Variants in TOP3B observed in about 807,000 individuals in gnomAD.
The protein encoded by TOP3B is DNA topoisomerase III beta, also known as DNA topoisomerase 3-beta-1.
TOP3B carries 45 observed loss-of-function variants against 93.9 expected under a neutral mutation model. That is an observed-to-expected ratio of 0.48 (90% CI 0.38 to 0.61). TOP3B has a LOEUF of 0.61. Ranked by LOEUF, TOP3B falls within the 20% of genes least tolerant of loss-of-function variation. TOP3B has a pLI of 0.00. For synonymous variants in TOP3B, 357 were observed against 472.6 expected (o/e 0.76, Z 3.17); for missense variants, 750 against 1,156.1 (o/e 0.65, Z 5.09).
In TOP3B at chr22:21,970,521, T is replaced by G. The variant is rs1433482491; in HGVS notation, c.385-115A>C. ...AAGAACACGTGTGCTCGGCTCCCTC[T>G]CCTGCCCCTGCCAGACCCTCCTCTA... On this transcript the variant is annotated intron_variant, in intron 5 of 17. Coordinates refer to ENST00000357179, the MANE Select transcript of TOP3B (RefSeq NM_001282112.2). This position sits in a 1 kb window ranked among gnomAD's most constrained non-coding sequence, Gnocchi z 4.4. 1.3e-5 allele frequency: 15 copies of G among 1,118,046 alleles called. No individual in the cohort carries two copies. Among genetic ancestry groups the G allele is most frequent in the Non-Finnish European group, 1.9e-5 (15 of 784,058 alleles). 69.3% of individuals were successfully genotyped at this position (1,118,046 alleles called of 1,614,324 possible). A position where few individuals can be genotyped will look rare whatever the true frequency, so the allele number is the denominator to read the frequency against.
chr22:21,975,427 A>ATTGTGCC, intron 2 of TOP3B: 1 of 490,958 alleles, frequency 2.0e-6, no homozygotes, highest in South Asian at 3.7e-5. Flanking sequence ...TTCATTGTAA[A>ATTGTGCC]TTGTGCCTTG....
In TOP3B at chr22:21,962,731, G is replaced by T. The variant is rs1327659537; in HGVS notation, c.1351+16C>A. 3.1e-6 allele frequency: 5 copies of T among 1,613,926 alleles called. No homozygotes were observed. Among genetic ancestry groups the T allele is most frequent in the Non-Finnish European group, 4.2e-6 (5 of 1,179,960 alleles). ...CATGAAGGCACAGAGGAGGAAGGCT[G>T]GGCCCGTGGTGTGACCTGGTGAGAG... On this transcript the variant is annotated intron_variant, in intron 12 of 17. Transcript: ENST00000357179.
rs773454859 is a variant in TOP3B at position 21,962,470 on chromosome 22, G to A, written c.1484C>T (p.Thr495Met). The change falls in exon 13 of 18, where the codon ACG (threonine) becomes ATG (methionine). Residue 495 changes from threonine (T) to methionine (M), a missense_variant. Transcript: ENST00000357179. ...CATGAGCGTGATGAGCTCGGCCTCCGTCAGGTAGTCGGGTGGGTTCGTCTG... is the reference window on the plus strand; with the variant it reads ...CATGAGCGTGATGAGCTCGGCCTCCATCAGGTAGTCGGGTGGGTTCGTCTG... ...EKQTNPPDYL[T>M]EAELITLMEK... The A allele has an allele frequency of 1.1e-5, 17 of 1,613,612 alleles. No individual in the cohort carries two copies. Among genetic ancestry groups the A allele is most frequent in the South Asian group, 5.5e-5 (5 of 91,086 alleles).
Position 21,964,270 on chromosome 22 carries a change from G to T in TOP3B, c.989C>A (p.Thr330Lys), listed in dbSNP as rs1439279941. ...CCGTGGGTAGCTGATGTAGCCTTGC[G>T]TGTAGAGCCGCTCAGCCGTCTGCAT... ...HAMQTAERLY[T>K]QGYISYPRTE... The change falls in exon 10 of 18, where the codon ACG (threonine) becomes AAG (lysine). Residue 330 changes from threonine to lysine, a missense_variant. Physicochemically the swap from Thr to Lys is moderately conservative, Grantham distance 78. Coordinates refer to ENST00000357179, the MANE Select transcript of TOP3B (RefSeq NM_001282112.2). 1 of 1,614,028 alleles carries T rather than the reference G, an allele frequency of 6.2e-7. No homozygotes were observed. Among genetic ancestry groups the T allele is most frequent in the East Asian group, 2.2e-5 (1 of 44,902 alleles).
Position 21,974,476 on chromosome 22 carries a change from G to A in TOP3B, c.83C>T (p.Ser28Leu), listed in dbSNP as rs772310124. The A allele has an allele frequency of 6.2e-6, 10 of 1,610,192 alleles. No homozygotes were observed. The highest frequency in any genetic ancestry group is 8.5e-6 in the Non-Finnish European group (10 of 1,177,918). Residue 28 changes from serine to leucine, a missense_variant, in exon 3 of 18, where the codon TCA becomes TTA. By Grantham distance (145) the Ser-to-Leu change is moderately radical. This residue lies in a region of TOP3B where 737 missense variants were observed against 933.7 expected (regional missense o/e 0.79). Transcript: ENST00000357179. ...AKILSRGSLS[S>L]HKGLNGACSV... is the part of the protein sequence containing the mutation. ...GCAGGCCCCGTTCAGCCCTTTGTGT[G>A]AGGACAGGCTCCCTGGGGATGAGGA...
intron 16 of TOP3B, 83 bp from the exon 17 acceptor site, chr22:21,958,776 G>A: frequency 3.4e-6 from 5 of 1,466,686 alleles, no homozygotes; most frequent in Non-Finnish European, 4.5e-6. Flanking sequence ...ATAATACAAA[G>A]TATGTAATCT....
chr22:21,972,851 C>T, intron 3 of TOP3B, 133 bp from the exon 4 acceptor site: 4 of 743,464 alleles, frequency 5.4e-6, no homozygotes, highest in Non-Finnish European at 9.2e-6. Context: ...CAGGGTCATC[C>T]TGATGATCAG....
chr22:21,980,281 C>T (rs1000560053), intron 1 of TOP3B, among the ~76,000 whole-genome samples: 7 of 152,138 alleles, frequency 4.6e-5, no homozygotes, highest in South Asian at 2.1e-4. Flanking sequence ...TTACATTTAG[C>T]GCCTGGACAC....
rs1366226340 is a variant in TOP3B, at chr22:21,975,692, C to T, written c.18G>A (p.Met6Ile). Residue 6 changes from methionine to isoleucine, a missense_variant, in exon 2 of 18, where the codon ATG (methionine) becomes ATA (isoleucine). Around this residue, in one of 4 missense-constraint regions of TOP3B, gnomAD observed 737 missense variants for 933.7 expected, o/e 0.79. Transcript: ENST00000357179. Reference sequence around the variant, plus strand: ...GTGCCAAGGACGGCTTTTCAGCAACCATGAGCACAGTCTTCATTTTGTCTC... The same window carrying T: ...GTGCCAAGGACGGCTTTTCAGCAACTATGAGCACAGTCTTCATTTTGTCTC... The part of the protein sequence containing the change: MKTVL[M>I]VAEKPSLAQS... 6.2e-7 allele frequency: 1 copy of T among 1,611,818 alleles called. No homozygotes were observed. The highest frequency in any genetic ancestry group is 8.5e-7 in the Non-Finnish European group (1 of 1,178,594).
chr22:21,965,315 C>T lies in TOP3B; in HGVS notation c.913G>A (p.Glu305Lys), dbSNP rs1339324506. 1 of 1,607,890 alleles carries T rather than the reference C, an allele frequency of 6.2e-7. No individual in the cohort carries two copies. The highest frequency in any genetic ancestry group is 8.5e-7 in the Non-Finnish European group (1 of 1,177,120). The change falls in exon 9 of 18, where the codon GAG (glutamate) becomes AAG (lysine). Residue 305 changes from glutamate to lysine, a missense_variant. Physicochemically the swap from Glu to Lys is moderately conservative, Grantham distance 56. Transcript: ENST00000357179. Reference protein sequence around the residue: ...KQRPLALNTVEMLRVASSSLG... With the variant: ...KQRPLALNTVKMLRVASSSLG... Reference sequence around the variant, plus strand: ...GAAGAGCTGGCCACACGCAGCATCTCCACAGTGTTCAGGGCCAGGGGCCTC... The same window carrying T: ...GAAGAGCTGGCCACACGCAGCATCTTCACAGTGTTCAGGGCCAGGGGCCTC...
At chr22:21,972,291 T>C in intron 4 of TOP3B, 1 of 456,858 alleles carries the variant, frequency 2.2e-6, no homozygotes, top group Non-Finnish European at 3.9e-6. Context: ...TTTCTGTCTT[T>C]CTACTTATCT....
Position 21,968,602 on chromosome 22 carries a change from A to G in TOP3B, c.738+17T>C. Reference sequence around the variant, plus strand: ...AAACCCAGAAAGCCCCAGCATGAATAGAGAAAGGCAAGGAACCTTGGCCTG... The same window carrying G: ...AAACCCAGAAAGCCCCAGCATGAATGGAGAAAGGCAAGGAACCTTGGCCTG... On this transcript the variant is annotated intron_variant, in intron 7 of 17. Transcript: ENST00000357179. 1 of 1,613,406 alleles carries G rather than the reference A, an allele frequency of 6.2e-7. No individual in the cohort carries two copies. The highest frequency in any genetic ancestry group is 1.1e-5 in the South Asian group (1 of 91,034).
intron 1 of TOP3B, chr22:21,977,759 G>C (rs1237044409): frequency 2.0e-5 from 3 of 152,152 alleles, no homozygotes; most frequent in Non-Finnish European, 4.4e-5. Flanking sequence ...CAAAGTCCGA[G>C]TGCACATCCC....
chr22:21,978,512 GC>G (rs749375930), intron 1 of TOP3B, among the ~76,000 whole-genome samples: 1 of 152,184 alleles, frequency 6.6e-6, no homozygotes, highest in Non-Finnish European at 1.5e-5. Context: ...AACGGGACCT[GC>G]CCATTGGACA....
Position 21,973,145 on chromosome 22 carries a change from T to G in TOP3B, c.203-427A>C, listed in dbSNP as rs577569129. ...CTTTGTCCTTCCACCCAGCACTCTG[T>G]GGGGGCACACATGTGTGCAGTCGTT... On this transcript the variant is annotated intron_variant, in intron 3 of 17. Coordinates refer to ENST00000357179, the MANE Select transcript of TOP3B (RefSeq NM_001282112.2). 7.9e-4 allele frequency: 201 copies of G among 255,776 alleles called. 1 individual carries two copies. The highest frequency in any genetic ancestry group is 1.3e-3 in the Non-Finnish European group (171 of 129,820). The allele number at this position is 255,776 out of a possible 1,614,324, so 15.8% of individuals were successfully genotyped here. A position where few individuals can be genotyped will look rare whatever the true frequency, so the allele number is the denominator to read the frequency against.
At position 21,967,484 on chromosome 22, in the gene TOP3B, G is replaced by A. The variant is rs555542086; in HGVS notation, c.852+119C>T. 1.3e-4 allele frequency: 101 copies of A among 774,144 alleles called. No individual in the cohort carries two copies. In the East Asian group the frequency reaches 2.4e-3, roughly 18 times the overall value. The allele number at this position is 774,144 out of a possible 1,614,324, so 48.0% of individuals were successfully genotyped here. ...TTCAGCTTTCCAAAAAGATGTCTGTGTTTCAGAAAGGGGGAGAAAGACGTG... is the reference window on the plus strand; with the variant it reads ...TTCAGCTTTCCAAAAAGATGTCTGTATTTCAGAAAGGGGGAGAAAGACGTG... On this transcript the variant is annotated intron_variant, in intron 8 of 17. Coordinates refer to ENST00000357179, the MANE Select transcript of TOP3B (RefSeq NM_001282112.2).
At position 21,970,412 on chromosome 22, in the gene TOP3B, G is replaced by T; in HGVS notation, c.385-6C>A. 1 of 1,612,962 alleles carries T rather than the reference G, an allele frequency of 6.2e-7. No individual in the cohort carries two copies. Among genetic ancestry groups the T allele is most frequent in the South Asian group, 1.1e-5 (1 of 90,994 alleles). ...GGCAGAACAGCATCAAGAACCTGGG[G>T]GTGGGGAGTGGCCAGCTGTGACCCA... On this transcript the variant is annotated splice_polypyrimidine_tract_variant and splice_region_variant and intron_variant, in intron 5 of 17. Coordinates refer to ENST00000357179, the MANE Select transcript of TOP3B (RefSeq NM_001282112.2). This position sits in a 1 kb window ranked among gnomAD's most constrained non-coding sequence, Gnocchi z 4.4.
chr22:21,970,202 G>C lies in TOP3B; in HGVS notation c.581+8C>G. The C allele has an allele frequency of 1.2e-6, 2 of 1,608,766 alleles. No individual in the cohort carries two copies. Among genetic ancestry groups the C allele is most frequent in the Non-Finnish European group, 1.7e-6 (2 of 1,179,776 alleles). ...GTGTGCCCAGGACTCTGCGGGTGTG[G>C]CCAGCACCTGGTGAATGCACAGCCG... On this transcript the variant is annotated splice_region_variant and intron_variant, in intron 6 of 17. Coordinates refer to ENST00000357179, the MANE Select transcript of TOP3B (RefSeq NM_001282112.2). The surrounding 1 kb of genome is among the most constrained non-coding windows in gnomAD (Gnocchi z 4.4).
rs1292896254 is a variant in TOP3B at position 21,959,667 on chromosome 22, T to G, written c.1724A>C (p.Lys575Thr). ...EKQLNLIAQG[K>T]ADYRQVLGHT... Reference sequence around the variant, plus strand: ...GCCCAGGACCTGGCGGTAGTCGGCCTTGCCCTGGGCGATCAGGTTCAGCTG... The same window carrying G: ...GCCCAGGACCTGGCGGTAGTCGGCCGTGCCCTGGGCGATCAGGTTCAGCTG... The change falls in exon 15 of 18, where the codon AAG (lysine) becomes ACG (threonine). Residue 575 changes from lysine to threonine, a missense_variant. Coordinates refer to ENST00000357179, the MANE Select transcript of TOP3B (RefSeq NM_001282112.2). 3 of 1,613,732 alleles carry G rather than the reference T, an allele frequency of 1.9e-6. No individual in the cohort carries two copies. The highest frequency in any genetic ancestry group is 2.5e-6 in the Non-Finnish European group (3 of 1,179,926).
Sources: gnomAD v4.1 joint callset for allele counts (sites outside exome capture counted in the v4.1 genomes callset) on GRCh38, gnomAD v4.1.1 for gene constraint, gnomAD v4.1.1 regional missense constraint, Gnocchi (gnomAD v3.1) non-coding constraint, MANE v1.5 for transcripts, NCBI Gene and HGNC (gene_info 2026-07-23, HGNC 2026-07-21) for gene names.